PDE10A: variants seen among roughly 807,000 people sequenced by gnomAD.
PDE10A encodes the protein cAMP and cAMP-inhibited cGMP 3',5'-cyclic phosphodiesterase 10A.
Under a neutral mutation model 97.7 loss-of-function variants are expected in PDE10A, and 39 were observed. The observed-to-expected ratio is 0.40, with a 90% confidence interval of 0.31 to 0.52. PDE10A has a LOEUF of 0.52. PDE10A is among the 20% of genes least tolerant of loss of function. PDE10A has a pLI of 0.56. For missense variants in PDE10A, 731 were observed against 1,047.8 expected, an observed-to-expected ratio of 0.70 and a Z score of 4.17; for synonymous variants, 371 against 376.8, an observed-to-expected ratio of 0.98 and a Z score of 0.18.
intron 1 of PDE10A, among the ~76,000 whole-genome samples, chr6:165,585,958 G>A (rs946893159): frequency 8.5e-5 from 13 of 152,124 alleles, no homozygotes; most frequent in African/African-American, 2.7e-4. Context: ...ACCAGCTGCC[G>A]CCACAAGCAG....
chr6:165,336,062 C>A, intron 21 of PDE10A, 61 bp downstream of exon 21: 1 of 1,266,574 alleles, frequency 7.9e-7, no homozygotes. Flanking sequence ...GTACAAAAAT[C>A]CTATACAGAT....
chr6:165,366,135 C>G (rs1783756167), intron 18 of PDE10A, among the ~76,000 whole-genome samples: 1 of 152,100 alleles, frequency 6.6e-6, no homozygotes, highest in Non-Finnish European at 1.5e-5. Context: ...ACATGATAAA[C>G]ATGATTTATC....
intron 1 of PDE10A, among the ~76,000 whole-genome samples, chr6:165,771,880 C>T (rs1778021271): frequency 6.6e-6 from 1 of 152,106 alleles, no homozygotes; most frequent in African/African-American, 2.4e-5. Flanking sequence ...CGGTGTGATG[C>T]AGAGCTGGCT....
At chr6:165,509,404 T>TA (rs1781385327) in intron 2 of PDE10A, among the ~76,000 whole-genome samples, 2 of 152,008 alleles carry the variant, frequency 1.3e-5, no homozygotes, top group Non-Finnish European at 2.9e-5. Flanking sequence ...ACATGTGAAA[T>TA]TATTTCTGAG....
intron 2 of PDE10A, among the ~76,000 whole-genome samples, chr6:165,538,125 G>C (rs777446906): frequency 6.6e-6 from 1 of 152,046 alleles, no homozygotes; most frequent in East Asian, 1.9e-4. Context: ...GGTTTAGGGG[G>C]CATAATTTAA....
chr6:165,793,428 A>T (rs1778711039), intron 1 of PDE10A, among the ~76,000 whole-genome samples: 2 of 152,048 alleles, frequency 1.3e-5, no homozygotes, highest in African/African-American at 4.8e-5. Context: ...AGCAGAGGGC[A>T]TTCTGGACAG....
intron 1 of PDE10A, among the ~76,000 whole-genome samples, chr6:165,763,566 G>A (rs562331018): frequency 5.3e-5 from 8 of 152,200 alleles, no homozygotes; most frequent in South Asian, 2.1e-4. Context: ...CAGGTGATCC[G>A]CCTGCCTTGG....
At chr6:165,854,339 A>T (rs1029919820) in intron 1 of PDE10A, among the ~76,000 whole-genome samples, 1 of 151,988 alleles carries the variant, frequency 6.6e-6, no homozygotes, top group African/African-American at 2.4e-5. Context: ...GGACCCAGGG[A>T]CTCGAGCAGG....
chr6:165,610,161 A>C (rs909649227), intron 1 of PDE10A, among the ~76,000 whole-genome samples: 4 of 152,190 alleles, frequency 2.6e-5, no homozygotes, highest in Non-Finnish European at 4.4e-5. Context: ...CAAAACAGAG[A>C]CATAGACCAA....
intron 1 of PDE10A, among the ~76,000 whole-genome samples, chr6:165,743,208 T>C (rs1476164897): frequency 6.6e-6 from 1 of 152,234 alleles, no homozygotes; most frequent in Non-Finnish European, 1.5e-5. Context: ...ATTACATAAA[T>C]GTTCCCAGAT....
intron 1 of PDE10A, among the ~76,000 whole-genome samples, chr6:165,559,421 C>A (rs1784415976): frequency 6.6e-6 from 1 of 152,146 alleles, no homozygotes; most frequent in African/African-American, 2.4e-5. Flanking sequence ...AATGTGAATT[C>A]TCATCTTTGT....
At chr6:165,390,783 G>C (rs988263113) in intron 16 of PDE10A, among the ~76,000 whole-genome samples, 6 of 152,284 alleles carry the variant, frequency 3.9e-5, no homozygotes, top group African/African-American at 1.2e-4. Flanking sequence ...CTGCTTCTTT[G>C]TCCTGATAAT....
At chr6:165,723,789 AC>A (rs1245466144) in intron 1 of PDE10A, among the ~76,000 whole-genome samples, 2 of 152,124 alleles carry the variant, frequency 1.3e-5, no homozygotes, top group African/African-American at 4.8e-5. Flanking sequence ...CCAATTGGAT[AC>A]CTAAACATTT....
intron 18 of PDE10A, among the ~76,000 whole-genome samples, chr6:165,370,016 G>T (rs549920896): frequency 6.6e-6 from 1 of 152,034 alleles, no homozygotes; most frequent in South Asian, 2.1e-4. Flanking sequence ...ATACTTTACA[G>T]ACAAGCAAAT....
chr6:165,672,123 T>A (rs1016306026), intron 1 of PDE10A, among the ~76,000 whole-genome samples: 1 of 152,206 alleles, frequency 6.6e-6, no homozygotes, highest in African/African-American at 2.4e-5. Context: ...TATTTACAAC[T>A]TGATTTCATT....
intron 1 of PDE10A, among the ~76,000 whole-genome samples, chr6:165,788,224 G>A (rs560446350): frequency 3.3e-5 from 5 of 152,034 alleles, no homozygotes; most frequent in Non-Finnish European, 7.4e-5. Context: ...ACTCTTTCAA[G>A]AGTATACTTC....
chr6:165,646,815 GAGAC>G (rs1169038599), intron 1 of PDE10A, among the ~76,000 whole-genome samples: 1 of 152,204 alleles, frequency 6.6e-6, no homozygotes, highest in African/African-American at 2.4e-5. Flanking sequence ...GACCTACTGA[GAGAC>G]AGAAGCCAAC....
At chr6:165,557,750 T>C (rs1784329261) in intron 1 of PDE10A, among the ~76,000 whole-genome samples, 1 of 152,202 alleles carries the variant, frequency 6.6e-6, no homozygotes, top group Non-Finnish European at 1.5e-5. Context: ...CAATGCAATG[T>C]AATTCATTTA....
At chr6:165,841,156 T>C (rs1398697794) in intron 1 of PDE10A, among the ~76,000 whole-genome samples, 2 of 152,268 alleles carry the variant, frequency 1.3e-5, no homozygotes, top group Non-Finnish European at 2.9e-5. Flanking sequence ...TTCAATCTAC[T>C]TTTGGAGTGT....
Sources: gnomAD v4.1 joint callset for allele counts (sites outside exome capture counted in the v4.1 genomes callset) on GRCh38, gnomAD v4.1.1 for gene constraint, MANE v1.5 for transcripts, NCBI Gene and HGNC (gene_info 2026-07-23, HGNC 2026-07-21) for gene names.